LHFPL2: variants seen among roughly 807,000 people sequenced by gnomAD.
The protein encoded by LHFPL2 is LHFPL tetraspan subfamily member 2.
Under a neutral mutation model 17.5 loss-of-function variants are expected in LHFPL2, and 7 were observed. The ratio of observed to expected loss-of-function variants is 0.40; its 90% CI spans 0.23 to 0.75. The LOEUF is 0.75. LHFPL2 is among the 30% of genes least tolerant of loss of function. The pLI is 0.37. For synonymous variants in LHFPL2, 134 were observed against 116.2 expected (o/e 1.15, Z -0.99); for missense variants, 241 against 294.8 (o/e 0.82, Z 1.34).
rs115863579 is a variant in LHFPL2, at chr5:78,614,039, C to T, written c.-245+18225G>A. On this transcript the variant is annotated intron_variant, in intron 2 of 4. Coordinates refer to ENST00000380345, the MANE Select transcript of LHFPL2 (RefSeq NM_005779.3). ...TTGTCTTGGTCACCAGAGTACCCTACGGCAGCTGATGAACAGGCCCCTAGA... is the reference window on the plus strand; with the variant it reads ...TTGTCTTGGTCACCAGAGTACCCTATGGCAGCTGATGAACAGGCCCCTAGA... Among the ~76,000 whole-genome samples, 705 of 152,280 alleles carry T rather than the reference C, an allele frequency of 4.6e-3. 3 individuals carry two copies. Among genetic ancestry groups the T allele is most frequent in the Non-Finnish European group, 7.4e-3 (506 of 68,034 alleles).
chr5:78,578,585 GCACACACACACACACACACACA>G lies in LHFPL2; in HGVS notation c.-244-13736_-244-13715del, dbSNP rs61127481. Among the ~76,000 whole-genome samples the G allele has an allele frequency of 2.0e-3, 295 of 146,998 alleles. 1 individual carries two copies. The highest frequency in any genetic ancestry group is 6.8e-3 in the African/African-American group (274 of 40,066). On this transcript the variant is annotated intron_variant, in intron 2 of 4. Transcript: ENST00000380345. The stretch of plus-strand genomic sequence containing the variant: ...CTTAGGCTGTTTTTCTTGCATATGT[GCACACACACACACACACACACA>G]CACACACACACACAGAGACAGGTCA...
intron 1 of LHFPL2, among the ~76,000 whole-genome samples, chr5:78,638,590 C>G (rs1189471004): frequency 2.0e-5 from 3 of 152,184 alleles, no homozygotes; most frequent in Non-Finnish European, 4.4e-5. Flanking sequence ...GTATGATTAG[C>G]TTCCTCTGTA....
At chr5:78,529,568 G>A (rs889553138) in intron 3 of LHFPL2, among the ~76,000 whole-genome samples, 1 of 152,156 alleles carries the variant, frequency 6.6e-6, no homozygotes, top group African/African-American at 2.4e-5. Flanking sequence ...TACGGGAAGC[G>A]GAGCTTGCAG....
At position 78,485,962 on chromosome 5, in the gene LHFPL2, C is replaced by CT. The variant is rs146910665; in HGVS notation, c.*2934dup. The CT allele has an allele frequency of 1, 152,776 of 152,778 alleles. 76,387 individuals are homozygous for CT. Among genetic ancestry groups the CT allele is most frequent in the Middle Eastern group, 1 (294 of 294 alleles). The allele number at this position is 152,778 out of a possible 1,614,324, so 9.5% of individuals were successfully genotyped here. A position where few individuals can be genotyped will look rare whatever the true frequency, so the allele number is the denominator to read the frequency against. On this transcript the variant is annotated 3_prime_UTR_variant, in exon 5 of 5. Coordinates refer to ENST00000380345, the MANE Select transcript of LHFPL2 (RefSeq NM_005779.3). ...ATGAAGGCAAAAATGTGGAACTCTC[C>CT]TTGCCAAAACAGAAACAAACATCCC...
At chr5:78,542,524 G>C (rs1388611796) in intron 3 of LHFPL2, among the ~76,000 whole-genome samples, 1 of 152,162 alleles carries the variant, frequency 6.6e-6, no homozygotes, top group Non-Finnish European at 1.5e-5. Context: ...GATCTGGGCA[G>C]TTCCAGCCAA....
At chr5:78,541,928 T>C (rs943604419) in intron 3 of LHFPL2, among the ~76,000 whole-genome samples, 10 of 152,204 alleles carry the variant, frequency 6.6e-5, no homozygotes, top group African/African-American at 2.4e-4. Flanking sequence ...ATTTTTTTTA[T>C]AAAAAGCATC....
intron 2 of LHFPL2, among the ~76,000 whole-genome samples, chr5:78,598,393 CAAAG>C (rs1743898293): frequency 6.6e-6 from 1 of 152,146 alleles, no homozygotes; most frequent in Admixed American, 6.5e-5. Context: ...AGGTATCCAA[CAAAG>C]AAACACAGCT....
intron 2 of LHFPL2, among the ~76,000 whole-genome samples, chr5:78,568,353 T>C (rs572699740): frequency 2.0e-5 from 3 of 152,306 alleles, no homozygotes; most frequent in Admixed American, 1.3e-4. Flanking sequence ...TCATCTCCAT[T>C]TGGGCTGCAT....
At chr5:78,612,518 T>C (rs115651687) in intron 2 of LHFPL2, among the ~76,000 whole-genome samples, 11 of 152,370 alleles carry the variant, frequency 7.2e-5, no homozygotes, top group Non-Finnish European at 1.3e-4. Flanking sequence ...TAAAAGTTCA[T>C]TGGGCATGAA....
intron 3 of LHFPL2, among the ~76,000 whole-genome samples, chr5:78,549,641 C>A (rs962781368): frequency 6.6e-6 from 1 of 152,210 alleles, no homozygotes; most frequent in Non-Finnish European, 1.5e-5. Context: ...GATTTTCTTT[C>A]ATCAGGAGTA....
chr5:78,557,725 A>C (rs1411727580), intron 3 of LHFPL2, among the ~76,000 whole-genome samples: 1 of 152,250 alleles, frequency 6.6e-6, no homozygotes, highest in Non-Finnish European at 1.5e-5. Context: ...CGGACTTGCC[A>C]AATAGCCTTA....
chr5:78,486,483 G>A lies in LHFPL2; in HGVS notation c.*2414C>T, dbSNP rs1261222949. The A allele has an allele frequency of 6.6e-6, 1 of 152,238 alleles. No homozygotes were observed. The highest frequency in any genetic ancestry group is 2.4e-5 in the African/African-American group (1 of 41,464). 9.4% of individuals were successfully genotyped at this position (152,238 alleles called of 1,614,324 possible). On this transcript the variant is annotated 3_prime_UTR_variant, in exon 5 of 5. Coordinates refer to ENST00000380345, the MANE Select transcript of LHFPL2 (RefSeq NM_005779.3). Reference sequence around the variant, plus strand: ...GTGGTTTTTAAACAGCTGTGTGGAAGAGCATGGTTTAGACTAGCATGATTT... The same window carrying A: ...GTGGTTTTTAAACAGCTGTGTGGAAAAGCATGGTTTAGACTAGCATGATTT...
intron 3 of LHFPL2, among the ~76,000 whole-genome samples, chr5:78,522,713 C>T (rs768962444): frequency 3.9e-5 from 6 of 152,092 alleles, no homozygotes; most frequent in Non-Finnish European, 8.8e-5. Context: ...ACTCTTACTG[C>T]CCTCCGGAAA....
At chr5:78,546,711 C>T (rs1463928882) in intron 3 of LHFPL2, among the ~76,000 whole-genome samples, 2 of 152,192 alleles carry the variant, frequency 1.3e-5, no homozygotes, top group East Asian at 1.9e-4. Context: ...TCACAGTCTG[C>T]GTCTTCTGTG....
At chr5:78,561,685 C>T (rs551737707) in intron 3 of LHFPL2, among the ~76,000 whole-genome samples, 30 of 152,316 alleles carry the variant, frequency 2.0e-4, no homozygotes, top group African/African-American at 4.8e-4. Flanking sequence ...AGTGAATTTA[C>T]GAGCATGTTT....
At position 78,488,837 on chromosome 5, in the gene LHFPL2, G is replaced by C. The variant is rs774496986; in HGVS notation, c.*60C>G. ...TAGTTCTCCACTTGACTCAAATGAT[G>C]AAACTGTGGACTGTTTCACAAGATT... is the stretch of plus-strand genomic sequence containing the variant. On this transcript the variant is annotated 3_prime_UTR_variant, in exon 5 of 5. Transcript: ENST00000380345. 100 of 1,579,476 alleles carry C rather than the reference G, an allele frequency of 6.3e-5. No individual in the cohort carries two copies. Among genetic ancestry groups the C allele is most frequent in the Non-Finnish European group, 8.4e-5 (97 of 1,160,192 alleles).
intron 2 of LHFPL2, among the ~76,000 whole-genome samples, chr5:78,627,368 C>T (rs1471393394): frequency 6.6e-6 from 1 of 152,158 alleles, no homozygotes; most frequent in African/African-American, 2.4e-5. Context: ...CTCACTTTCC[C>T]TGTCTCCCCT....
intron 2 of LHFPL2, among the ~76,000 whole-genome samples, chr5:78,569,642 T>C (rs1249242146): frequency 6.6e-6 from 1 of 152,198 alleles, no homozygotes; most frequent in Admixed American, 6.5e-5. Context: ...TCGAGTTTCA[T>C]GAACCGTCTA....
intron 3 of LHFPL2, among the ~76,000 whole-genome samples, chr5:78,542,657 A>G (rs1057152502): frequency 6.6e-6 from 1 of 152,116 alleles, no homozygotes; most frequent in African/African-American, 2.4e-5. Context: ...CTTCCAGGGA[A>G]GCCTTGCCTT....
Sources: allele counts gnomAD v4.1 joint callset (sites outside exome capture counted in the v4.1 genomes callset), GRCh38; gene constraint gnomAD v4.1.1; transcripts MANE v1.5; gene names NCBI Gene and HGNC (gene_info 2026-07-23, HGNC 2026-07-21).